Variants in PIK3R2 observed in about 807,000 individuals in gnomAD.
PIK3R2 encodes phosphatidylinositol 3-kinase regulatory subunit beta.
In PIK3R2, 40 loss-of-function variants were observed where a neutral mutation model predicts 78.5. The ratio of observed to expected loss-of-function variants is 0.51; its 90% confidence interval spans 0.40 to 0.66. PIK3R2 has a LOEUF of 0.66. Among genes scored for constraint, PIK3R2 ranks in the 30% least tolerant of loss-of-function variants. PIK3R2 has a pLI of 0.00. For synonymous variants in PIK3R2, 473 were observed against 457.7 expected (o/e 1.03, Z -0.43); for missense variants, 880 against 1,026.6 (o/e 0.86, Z 1.95).
In PIK3R2 at chr19:18,156,194, T is replaced by C; in HGVS notation, c.315T>C (p.Pro105=). ...PLPARPRDGA[P]EPGLTLPDLP... is the part of the protein sequence containing the mutation. The stretch of plus-strand genomic sequence containing the variant: ...CCGCCAGGCCCCGTGATGGGGCCCC[T>C]GAGCCAGGTGAGCAGCAAGCAGGGG... The change falls in exon 2 of 16, where the codon CCT becomes CCC. Residue 105 remains proline, a synonymous_variant. Coordinates refer to ENST00000222254, the MANE Select transcript of PIK3R2 (RefSeq NM_005027.4). The surrounding 1 kb of genome is among the most constrained non-coding windows in gnomAD (Gnocchi z 4.2). The C allele has an allele frequency of 6.8e-7, 1 of 1,463,196 alleles. No homozygotes were observed. Among genetic ancestry groups the C allele is most frequent in the Non-Finnish European group, 9.0e-7 (1 of 1,113,782 alleles). 90.6% of individuals were successfully genotyped at this position (1,463,196 alleles called of 1,614,324 possible).
In PIK3R2 at chr19:18,156,767, GCA is replaced by G. The variant is rs1345460602; in HGVS notation, c.322+569_322+570del. 6.6e-6 allele frequency among the ~76,000 whole-genome samples: 1 copy of G among 152,170 alleles called. No individual in the cohort carries two copies. Among genetic ancestry groups the G allele is most frequent in the African/African-American group, 2.4e-5 (1 of 41,422 alleles). ...TGGGCTGCTCAGCTGAGGCCACACAGCACAGTGGGATATGAGGACCCCACATC... is the reference window on the plus strand; with the variant it reads ...TGGGCTGCTCAGCTGAGGCCACACAGCAGTGGGATATGAGGACCCCACATC... On this transcript the variant is annotated intron_variant, in intron 2 of 15. Transcript: ENST00000222254. This position sits in a 1 kb window ranked among gnomAD's most constrained non-coding sequence, Gnocchi z 4.2.
Position 18,163,084 on chromosome 19 carries a change from T to C in PIK3R2, c.1227T>C (p.Ser409=), listed in dbSNP as rs1385274074. 6.2e-7 allele frequency: 1 copy of C among 1,613,262 alleles called. No individual in the cohort carries two copies. Among genetic ancestry groups the C allele is most frequent in the Admixed American group, 1.7e-5 (1 of 59,866 alleles). ...TCATCAATCACTACCGCCACGAGTC[T>C]CTGGCCCAGTACAATGCCAAGCTGG... ...VDLINHYRHE[S]LAQYNAKLDT... The change falls in exon 10 of 16, where the codon TCT becomes TCC. Residue 409 remains serine, a synonymous_variant. Coordinates refer to ENST00000222254, the MANE Select transcript of PIK3R2 (RefSeq NM_005027.4).
chr19:18,167,154 C>T lies in PIK3R2; in HGVS notation c.1584C>T (p.Leu528=), dbSNP rs370516239. Reference sequence around the variant, plus strand: ...GGATCCTGCTGAACTCCGAGCGGCTCAAGTCCCGCATTGCCGAGATCCATG... The same window carrying T: ...GGATCCTGCTGAACTCCGAGCGGCTTAAGTCCCGCATTGCCGAGATCCATG... ...MQRILLNSER[L]KSRIAEIHES... The change falls in exon 13 of 16, where the codon CTC becomes CTT. Residue 528 remains leucine (L), a synonymous_variant. Coordinates refer to ENST00000222254, the MANE Select transcript of PIK3R2 (RefSeq NM_005027.4). The surrounding 1 kb of genome is among the most constrained non-coding windows in gnomAD (Gnocchi z 4.5). 3.7e-6 allele frequency: 6 copies of T among 1,600,868 alleles called. No homozygotes were observed. The highest frequency in any genetic ancestry group is 5.1e-6 in the Non-Finnish European group (6 of 1,173,534).
rs1422379952 is a variant in PIK3R2 at position 18,162,429 on chromosome 19, C to G, written c.1032C>G (p.Leu344=). The G allele has an allele frequency of 3.7e-6, 6 of 1,613,418 alleles. No homozygotes were observed. Among genetic ancestry groups the G allele is most frequent in the South Asian group, 1.1e-5 (1 of 91,092 alleles). The change falls in exon 9 of 16, where the codon CTC becomes CTG. Residue 344 remains leucine (L), a synonymous_variant. Coordinates refer to ENST00000222254, the MANE Select transcript of PIK3R2 (RefSeq NM_005027.4). ...ACAGGGAGGAGGTGAACGAGAAACT[C>G]CGGGACACTCCCGATGGCACCTTCC... The part of the protein sequence containing the change: ...DISREEVNEK[L]RDTPDGTFLV...
chr19:18,164,959 G>A (rs892082879), intron 11 of PIK3R2, among the ~76,000 whole-genome samples: 4 of 148,252 alleles, frequency 2.7e-5, no homozygotes, highest in African/African-American at 9.9e-5. Flanking sequence ...CGGGCACAGT[G>A]ACTCATGCCA....
Position 18,162,191 on chromosome 19 carries a change from C to T in PIK3R2, c.902-11C>T, listed in dbSNP as rs1399986693. The T allele has an allele frequency of 1.3e-6, 2 of 1,498,550 alleles. No individual in the cohort carries two copies. Among genetic ancestry groups the T allele is most frequent in the Admixed American group, 3.4e-5 (2 of 59,066 alleles). 92.8% of individuals were successfully genotyped at this position (1,498,550 alleles called of 1,614,324 possible). ...CGGTGCTCAGGATGCATTTGTTTTC[C>T]TGTCCCCCAGCGCTGCCGCCTAAAC... On this transcript the variant is annotated splice_polypyrimidine_tract_variant and intron_variant, in intron 7 of 15. Transcript: ENST00000222254.
In PIK3R2 at chr19:18,168,701, T is replaced by TGGCCCCCCCCCCC; in HGVS notation, c.1809-25_1809-24insGGCCCCCCCCCCC. On this transcript the variant is annotated intron_variant, in intron 14 of 15. Transcript: ENST00000222254. This position sits in a 1 kb window ranked among gnomAD's most constrained non-coding sequence, Gnocchi z 4.1. ...GCTGGCAGGTGAGTGACCAGGGCCCTCCCCGCCACCGCCCCCCACCCCAGC... is the reference window on the plus strand; with the variant it reads ...GCTGGCAGGTGAGTGACCAGGGCCCTGGCCCCCCCCCCCCCCCGCCACCGCCCCCCACCCCAGC... 6.4e-7 allele frequency: 1 copy of TGGCCCCCCCCCCC among 1,563,906 alleles called. No homozygotes were observed. Among genetic ancestry groups the TGGCCCCCCCCCCC allele is most frequent in the Non-Finnish European group, 8.8e-7 (1 of 1,137,492 alleles).
intron 3 of PIK3R2, 176 bp downstream of exon 3, chr19:18,160,739 G>A: frequency 1.1e-6 from 1 of 884,514 alleles, no homozygotes; most frequent in African/African-American, 1.7e-5. Context: ...AGATGGGAAG[G>A]TGAACATGAC....
In PIK3R2 at chr19:18,163,152, G is replaced by A. The variant is rs1568637103; in HGVS notation, c.1290+5G>A. 3.7e-6 allele frequency: 6 copies of A among 1,613,874 alleles called. No individual in the cohort carries two copies. The highest frequency in any genetic ancestry group is 1.1e-5 in the South Asian group (1 of 91,066). On this transcript the variant is annotated splice_donor_5th_base_variant and intron_variant, in intron 10 of 15. Coordinates refer to ENST00000222254, the MANE Select transcript of PIK3R2 (RefSeq NM_005027.4). Reference sequence around the variant, plus strand: ...CCTGTGTCCAAATACCAGCAGGTCCGTGCTGGCCTGGGAGCCAGGGAGGGT... The same window carrying A: ...CCTGTGTCCAAATACCAGCAGGTCCATGCTGGCCTGGGAGCCAGGGAGGGT...
intron 11 of PIK3R2, among the ~76,000 whole-genome samples, chr19:18,164,936 T>G (rs1201954075): frequency 6.9e-6 from 1 of 145,510 alleles, no homozygotes; most frequent in Non-Finnish European, 1.5e-5. Context: ...TTTAATAAAA[T>G]TAAAAGGTAG....
chr19:18,155,761 A>T lies in PIK3R2; in HGVS notation c.-119A>T. On this transcript the variant is annotated 5_prime_UTR_variant, in exon 2 of 16. Transcript: ENST00000222254. Reference sequence around the variant, plus strand: ...GTGGTCGCCTGTGACTGCTGGAGATAGAGGTCCCAGCACCCCAAGCCAACC... The same window carrying T: ...GTGGTCGCCTGTGACTGCTGGAGATTGAGGTCCCAGCACCCCAAGCCAACC... The T allele has an allele frequency of 1.2e-6, 1 of 805,270 alleles. No individual in the cohort carries two copies. The highest frequency in any genetic ancestry group is 1.9e-6 in the Non-Finnish European group (1 of 529,188). The allele number at this position is 805,270 out of a possible 1,614,324, so 49.9% of individuals were successfully genotyped here.
At position 18,163,144 on chromosome 19, in the gene PIK3R2, G is replaced by T; in HGVS notation, c.1287G>T (p.Gln429His). ...TRLLYPVSKY[Q>H]QDQIVKEDSV... ...TCCTCTACCCTGTGTCCAAATACCA[G>T]CAGGTCCGTGCTGGCCTGGGAGCCA... The change falls in exon 10 of 16, where the codon CAG becomes CAT. Residue 429 changes from glutamine to histidine, a missense_variant. Physicochemically the swap from Gln to His is conservative, Grantham distance 24 (BLOSUM62 0). Transcript: ENST00000222254. 1 of 1,613,974 alleles carries T rather than the reference G, an allele frequency of 6.2e-7. No individual in the cohort carries two copies. The highest frequency in any genetic ancestry group is 1.1e-5 in the South Asian group (1 of 91,070).
At chr19:18,163,533 T>G in intron 11 of PIK3R2, 145 bp downstream of exon 11, 1 of 827,266 alleles carries the variant, frequency 1.2e-6, no homozygotes, top group Non-Finnish European at 1.9e-6. Flanking sequence ...AGGGCTGTTC[T>G]AAAAACATAG....
In PIK3R2 at chr19:18,155,497, C is replaced by A; in HGVS notation, c.-383C>A. On this transcript the variant is annotated 5_prime_UTR_variant, in exon 2 of 16. Transcript: ENST00000222254. ...TGGCCGAGCATGGTGGCAGCCTGCA[C>A]CCTTGGCTCCCTTGTCTGGTGCAGC... 2.4e-6 allele frequency: 1 copy of A among 423,648 alleles called. No individual in the cohort carries two copies. The highest frequency in any genetic ancestry group is 4.1e-6 in the Non-Finnish European group (1 of 241,186). 26.2% of individuals were successfully genotyped at this position (423,648 alleles called of 1,614,324 possible). A position where few individuals can be genotyped will look rare whatever the true frequency, so the allele number is the denominator to read the frequency against.
In PIK3R2 at chr19:18,155,626, T is replaced by C. The variant is rs2043669127; in HGVS notation, c.-254T>C. 3.7e-6 allele frequency: 2 copies of C among 537,374 alleles called. No individual in the cohort carries two copies. Among genetic ancestry groups the C allele is most frequent in the South Asian group, 4.9e-5 (2 of 40,500 alleles). 33.3% of individuals were successfully genotyped at this position (537,374 alleles called of 1,614,324 possible). Reference sequence around the variant, plus strand: ...TGGAGGACTCAATGGCCCAGTGACCTGACACCACACCACCAACTCCCTCCC... The same window carrying C: ...TGGAGGACTCAATGGCCCAGTGACCCGACACCACACCACCAACTCCCTCCC... On this transcript the variant is annotated 5_prime_UTR_variant, in exon 2 of 16. Coordinates refer to ENST00000222254, the MANE Select transcript of PIK3R2 (RefSeq NM_005027.4).
chr19:18,157,440 CCCT>C (rs1225507876), intron 2 of PIK3R2, among the ~76,000 whole-genome samples: 1 of 152,224 alleles, frequency 6.6e-6, no homozygotes, highest in Non-Finnish European at 1.5e-5. Context: ...AGAACCCGCC[CCCT>C]CGAGGCCTCA....
chr19:18,157,174 G>C (rs1306105266), intron 2 of PIK3R2, among the ~76,000 whole-genome samples: 1 of 152,188 alleles, frequency 6.6e-6, no homozygotes, highest in East Asian at 1.9e-4. Context: ...GGCGGAATAG[G>C]GGGTGCTGAG....
chr19:18,161,359 C>G lies in PIK3R2; in HGVS notation c.679C>G (p.Gln227Glu). 1 of 1,304,630 alleles carries G rather than the reference C, an allele frequency of 7.7e-7. No homozygotes were observed. The highest frequency in any genetic ancestry group is 3.9e-5 in the Admixed American group (1 of 25,908). 80.8% of individuals were successfully genotyped at this position (1,304,630 alleles called of 1,614,324 possible). ...HRALTLRFLLQHLGRVASRAP... is the reference protein window; with the variant it reads ...HRALTLRFLLEHLGRVASRAP... Reference sequence around the variant, plus strand: ...CGCGCTCACGCTGCGCTTCCTGCTCCAGCACCTGGGCCGCGTGGCCAGCCG... The same window carrying G: ...CGCGCTCACGCTGCGCTTCCTGCTCGAGCACCTGGGCCGCGTGGCCAGCCG... Residue 227 changes from glutamine (Q) to glutamate (E), a missense_variant, in exon 6 of 16, where the codon CAG becomes GAG. Around this residue, in one of 3 missense-constraint regions of PIK3R2, gnomAD observed 456 missense variants for 486.6 expected, o/e 0.94. Transcript: ENST00000222254. This position sits in a 1 kb window ranked among gnomAD's most constrained non-coding sequence, Gnocchi z 5.3.
chr19:18,170,348 C>T lies in PIK3R2; in HGVS notation c.*1054C>T, dbSNP rs1418222705. The T allele has an allele frequency of 1.3e-5, 2 of 152,138 alleles. No homozygotes were observed. Among genetic ancestry groups the T allele is most frequent in the African/African-American group, 2.4e-5 (1 of 41,382 alleles). 9.4% of individuals were successfully genotyped at this position (152,138 alleles called of 1,614,324 possible). ...CCTCTGATGCAGATTCAGGGCTTCTCTTCGATCATGTTGGGTTTTGATTCT... is the reference window on the plus strand; with the variant it reads ...CCTCTGATGCAGATTCAGGGCTTCTTTTCGATCATGTTGGGTTTTGATTCT... On this transcript the variant is annotated 3_prime_UTR_variant, in exon 16 of 16. Transcript: ENST00000222254.
Sources: allele counts gnomAD v4.1 joint callset (sites outside exome capture counted in the v4.1 genomes callset), GRCh38; gene constraint gnomAD v4.1.1; regional missense constraint gnomAD v4.1.1; non-coding constraint Gnocchi (gnomAD v3.1); transcripts MANE v1.5; gene names NCBI Gene and HGNC (gene_info 2026-07-23, HGNC 2026-07-21).